The following CDC20B variants were observed in gnomAD, a reference collection of about 807,000 sequenced individuals.
CDC20B encodes the protein cell division cycle 20B.
A neutral mutation model predicts 64.1 loss-of-function variants in CDC20B; 58 were observed. That is an observed-to-expected ratio of 0.90 (90% CI 0.73 to 1.13). CDC20B has a LOEUF of 1.13. Among genes scored for constraint, CDC20B ranks in the 50% most tolerant of loss-of-function variants. The pLI is 0.00. For synonymous variants in CDC20B, 243 were observed against 230.6 expected (o/e 1.05, Z -0.49); for missense variants, 597 against 633.0 (o/e 0.94, Z 0.61).
Position 55,146,899 on chromosome 5 carries a change from G to A in CDC20B, c.127-43C>T, listed in dbSNP as rs866949808. On this transcript the variant is annotated intron_variant, in intron 2 of 11. Transcript: ENST00000381375. ...CAGCTGTAAGTCCACTGGCCTCAGTGATGCAAAAGTAAAAATTCCCTATAA... is the reference window on the plus strand; with the variant it reads ...CAGCTGTAAGTCCACTGGCCTCAGTAATGCAAAAGTAAAAATTCCCTATAA... 13 of 1,442,950 alleles carry A rather than the reference G, an allele frequency of 9.0e-6. 1 individual carries two copies. The Middle Eastern group carries it at 1.4e-3, about 155-fold the overall frequency. The allele number at this position is 1,442,950 out of a possible 1,614,324, so 89.4% of individuals were successfully genotyped here.
intron 3 of CDC20B, among the ~76,000 whole-genome samples, chr5:55,143,849 A>G (rs550111316): frequency 4.5e-4 from 68 of 152,224 alleles, no homozygotes; most frequent in South Asian, 1.7e-3. Context: ...AGCAGTACAG[A>G]ATCCTATCCA....
intron 2 of CDC20B, among the ~76,000 whole-genome samples, chr5:55,171,807 G>A (rs2111622263): frequency 6.6e-6 from 1 of 152,246 alleles, no homozygotes; most frequent in African/African-American, 2.4e-5. Flanking sequence ...GTCTCCCTGT[G>A]TTGTCCAGGC....
rs1743490835 is a variant in CDC20B at position 55,146,770 on chromosome 5, G to T, written c.213C>A (p.Ser71Arg). The change falls in exon 3 of 12, where the codon AGC becomes AGA. Residue 71 changes from serine (S) to arginine (R), a missense_variant. Transcript: ENST00000381375. The part of the protein sequence containing the change: ...RLSAEVPVAS[S>R]PITTRWQQSQ... ...TTTGCTGCCACCTTGTGGTAATGGG[G>T]CTACTCGCAACAGGAACCTCTGCGG... 1.9e-6 allele frequency: 3 copies of T among 1,613,984 alleles called. No homozygotes were observed. Among genetic ancestry groups the T allele is most frequent in the South Asian group, 1.1e-5 (1 of 91,074 alleles).
At chr5:55,139,189 G>A (rs1327866151) in intron 5 of CDC20B, among the ~76,000 whole-genome samples, 1 of 152,040 alleles carries the variant, frequency 6.6e-6, no homozygotes, top group Non-Finnish European at 1.5e-5. Context: ...AACAGCAACA[G>A]TGGATACTAG....
intron 7 of CDC20B, 128 bp from the exon 8 acceptor site, chr5:55,127,479 T>C (rs1742923511): frequency 5.8e-6 from 4 of 694,110 alleles, no homozygotes; most frequent in Admixed American, 4.5e-5. Context: ...CCAGCACATC[T>C]AGCCAGCAGT....
rs1049259834 is a variant in CDC20B at position 55,134,931 on chromosome 5, G to T, written c.581-1403C>A. ...ACAGACAAAGCAGTGAGCATTTTTAGGGAAATGAAACTATTCTGTATACTA... is the reference window on the plus strand; with the variant it reads ...ACAGACAAAGCAGTGAGCATTTTTATGGAAATGAAACTATTCTGTATACTA... On this transcript the variant is annotated intron_variant, in intron 5 of 11. Coordinates refer to ENST00000381375, the MANE Select transcript of CDC20B (RefSeq NM_001170402.1). Among the ~76,000 whole-genome samples, 6 of 152,102 alleles carry T rather than the reference G, an allele frequency of 3.9e-5. 1 individual carries two copies. Among genetic ancestry groups the T allele is most frequent in the Non-Finnish European group, 7.4e-5 (5 of 68,016 alleles).
intron 9 of CDC20B, among the ~76,000 whole-genome samples, chr5:55,124,136 T>C (rs936411202): frequency 3.3e-5 from 5 of 152,228 alleles, no homozygotes; most frequent in African/African-American, 1.2e-4. Flanking sequence ...TAAATAATTA[T>C]GCAGAACATG....
At chr5:55,117,881 GA>G (rs1742660619) in intron 11 of CDC20B, among the ~76,000 whole-genome samples, 1 of 152,124 alleles carries the variant, frequency 6.6e-6, no homozygotes, top group Admixed American at 6.5e-5. Context: ...TTGGGAGGCC[GA>G]GGTGGGTGGA....
chr5:55,122,835 C>G (rs2111807046), intron 9 of CDC20B, among the ~76,000 whole-genome samples: 1 of 152,276 alleles, frequency 6.6e-6, no homozygotes, highest in East Asian at 1.9e-4. Context: ...ACAAGTGGTC[C>G]AGCCTCCCAC....
chr5:55,143,239 T>A (rs1743377817), intron 4 of CDC20B, among the ~76,000 whole-genome samples: 2 of 152,228 alleles, frequency 1.3e-5, no homozygotes, highest in South Asian at 2.1e-4. Context: ...CATTATATTT[T>A]TAACCTTTAC....
chr5:55,163,814 C>T (rs1374051250), intron 2 of CDC20B, among the ~76,000 whole-genome samples: 2 of 149,448 alleles, frequency 1.3e-5, no homozygotes, highest in Non-Finnish European at 1.5e-5. Flanking sequence ...GCCTACTTTG[C>T]TTCATTTCTT....
intron 9 of CDC20B, among the ~76,000 whole-genome samples, chr5:55,122,813 G>T (rs1238212597): frequency 1.3e-5 from 2 of 152,184 alleles, no homozygotes; most frequent in African/African-American, 4.8e-5. Context: ...AGCATGCCCA[G>T]GCAGCTGGCA....
intron 5 of CDC20B, among the ~76,000 whole-genome samples, chr5:55,139,878 T>C (rs1187960550): frequency 6.6e-6 from 1 of 151,826 alleles, no homozygotes; most frequent in Admixed American, 6.6e-5. Context: ...TACAAAAAAA[T>C]TAACCAGGCA....
At chr5:55,166,521 G>A (rs1022909967) in intron 2 of CDC20B, 1 of 152,248 alleles carries the variant, frequency 6.6e-6, no homozygotes, top group Non-Finnish European at 1.5e-5. Flanking sequence ...GTAACAATTA[G>A]GCTATGTGTG....
At position 55,124,985 on chromosome 5, in the gene CDC20B, C is replaced by T. The variant is rs1422756165; in HGVS notation, c.1033G>A (p.Ala345Thr). ...CGAAGTGTTCCAACATGATGCTGGG[C>T]TACCCGAACATCGTGATGATAAACA... ...GRVYHHDVRV[A>T]QHHVGTLRHK... The change falls in exon 9 of 12, where the codon GCC (alanine) becomes ACC (threonine). Residue 345 changes from alanine (A) to threonine (T), a missense_variant. Ala to Thr is a moderately conservative substitution (Grantham distance 58, BLOSUM62 0). This residue lies in a region of CDC20B where 353 missense variants were observed against 397.0 expected (regional missense o/e 0.89). Coordinates refer to ENST00000381375, the MANE Select transcript of CDC20B (RefSeq NM_001170402.1). 1 of 1,613,954 alleles carries T rather than the reference C, an allele frequency of 6.2e-7. No individual in the cohort carries two copies. Among genetic ancestry groups the T allele is most frequent in the South Asian group, 1.1e-5 (1 of 91,080 alleles).
chr5:55,138,209 G>A (rs1220121658), intron 5 of CDC20B, among the ~76,000 whole-genome samples: 1 of 149,610 alleles, frequency 6.7e-6, no homozygotes, highest in Non-Finnish European at 1.5e-5. Context: ...CGCCCAGGCT[G>A]GAGTGCAGTG....
chr5:55,137,752 G>T (rs1743222245), intron 5 of CDC20B: 1 of 444,720 alleles, frequency 2.2e-6, no homozygotes. Flanking sequence ...TTTTTTAAGG[G>T]GTGAAGACAC....
Position 55,114,449 on chromosome 5 carries a change from C to T in CDC20B, c.1460-131G>A, listed in dbSNP as rs1742579223. 6.9e-7 allele frequency: 1 copy of T among 1,448,986 alleles called. No homozygotes were observed. Among genetic ancestry groups the T allele is most frequent in the Non-Finnish European group, 9.1e-7 (1 of 1,096,946 alleles). The allele number at this position is 1,448,986 out of a possible 1,614,324, so 89.8% of individuals were successfully genotyped here. A position where few individuals can be genotyped will look rare whatever the true frequency, so the allele number is the denominator to read the frequency against. The stretch of plus-strand genomic sequence containing the variant: ...AGGGCTTTCCCACACCCACCAGGTT[C>T]AGAGCTGCCACCAACTGAGCCATGC... On this transcript the variant is annotated intron_variant, in intron 11 of 11. Transcript: ENST00000381375. This position sits in a 1 kb window ranked among gnomAD's most constrained non-coding sequence, Gnocchi z 4.1.
chr5:55,124,348 T>A (rs1047805945), intron 9 of CDC20B, among the ~76,000 whole-genome samples: 5 of 152,150 alleles, frequency 3.3e-5, no homozygotes, highest in Non-Finnish European at 7.3e-5. Flanking sequence ...AAAAATGGCT[T>A]CTTATCCAGC....
Sources: allele counts gnomAD v4.1 joint callset (sites outside exome capture counted in the v4.1 genomes callset), GRCh38; gene constraint gnomAD v4.1.1; regional missense constraint gnomAD v4.1.1; non-coding constraint Gnocchi (gnomAD v3.1); transcripts MANE v1.5; gene names NCBI Gene and HGNC (gene_info 2026-07-23, HGNC 2026-07-21).